Variants in CHRM2 observed in about 807,000 individuals in gnomAD.
The protein encoded by CHRM2 is cholinergic receptor muscarinic 2, also known as muscarinic acetylcholine receptor M2.
In CHRM2, 8 loss-of-function variants were observed where a neutral mutation model predicts 25.0. That is an observed-to-expected ratio of 0.32 (90% CI 0.19 to 0.58). The LOEUF is 0.58. Ranked by LOEUF, CHRM2 falls within the 20% of genes least tolerant of loss-of-function variation. The pLI is 0.88. For synonymous variants in CHRM2, 202 were observed against 205.7 expected, an observed-to-expected ratio of 0.98 and a Z score of 0.15; for missense variants, 440 against 567.1, an observed-to-expected ratio of 0.78 and a Z score of 2.28.
chr7:137,009,335 A>G (rs534767421), intron 3 of CHRM2, among the ~76,000 whole-genome samples: 6 of 152,130 alleles, frequency 3.9e-5, no homozygotes, highest in Admixed American at 6.6e-5. Flanking sequence ...TGATGTGAAT[A>G]CTTACATGGG....
At chr7:136,943,597 G>A (rs1418889722) in intron 2 of CHRM2, among the ~76,000 whole-genome samples, 2 of 152,098 alleles carry the variant, frequency 1.3e-5, no homozygotes, top group African/African-American at 4.8e-5. Context: ...TCAAAAGTCT[G>A]TTTCAGAATC....
intron 2 of CHRM2, among the ~76,000 whole-genome samples, chr7:136,885,565 A>G (rs17494846): frequency 0.21 from 31,544 of 152,202 alleles, 4,072 homozygotes; most frequent in Non-Finnish European, 0.3. Context: ...ATATTAATGC[A>G]CTAGAAATGG....
chr7:136,993,483 C>A (rs1044674380), intron 3 of CHRM2, among the ~76,000 whole-genome samples: 1 of 152,066 alleles, frequency 6.6e-6, no homozygotes, highest in Non-Finnish European at 1.5e-5. Context: ...TCCCTGAGGT[C>A]AGGGGAGAGA....
intron 2 of CHRM2, among the ~76,000 whole-genome samples, chr7:136,943,849 A>G (rs1024879513): frequency 2.0e-5 from 3 of 152,144 alleles, no homozygotes; most frequent in Non-Finnish European, 4.4e-5. Flanking sequence ...CATATTTATA[A>G]ATACAAGCAA....
rs1479559292 is a variant in CHRM2, at chr7:136,978,557, C to T, written c.-124-13630C>T. On this transcript the variant is annotated intron_variant, in intron 2 of 3. Coordinates refer to ENST00000680005, the MANE Select transcript of CHRM2 (RefSeq NM_001006630.2). ...ATGGTGGTTTGCTGCACCCATCAAC[C>T]CATGTTCTACATGAAGTATTTCTCC... Among the ~76,000 whole-genome samples the T allele has an allele frequency of 3.3e-5, 5 of 152,054 alleles. No individual in the cohort carries two copies. The South Asian group carries it at 8.3e-4, about 25-fold the overall frequency.
At chr7:136,905,668 A>AATTT (rs1275108567) in intron 2 of CHRM2, among the ~76,000 whole-genome samples, 1 of 151,412 alleles carries the variant, frequency 6.6e-6, no homozygotes, top group African/African-American at 2.4e-5. Context: ...TTATAATTAG[A>AATTT]ATTTATTTAT....
chr7:137,011,791 A>C (rs13229588), intron 3 of CHRM2, among the ~76,000 whole-genome samples: 3 of 152,114 alleles, frequency 2.0e-5, no homozygotes, highest in African/African-American at 7.2e-5. Context: ...AGCAGTAACA[A>C]GGTGATGGTT....
chr7:137,002,086 G>A (rs1481457859), intron 3 of CHRM2, among the ~76,000 whole-genome samples: 2 of 152,008 alleles, frequency 1.3e-5, no homozygotes, highest in African/African-American at 2.4e-5. Context: ...GAGAAAAGCC[G>A]GTCAAGAAGA....
intron 2 of CHRM2, among the ~76,000 whole-genome samples, chr7:136,938,915 CAAAAAAAAAAAAAAAAAA>C (rs56868385): frequency 1.6e-4 from 11 of 66,942 alleles, no homozygotes; most frequent in African/African-American, 3.7e-4. Context: ...CTAGCTCTGC[CAAAAAAAAAAAAAAAAAA>C]AAAAAAAAAA....
At chr7:136,937,481 C>T (rs976864161) in intron 2 of CHRM2, among the ~76,000 whole-genome samples, 8 of 120,200 alleles carry the variant, frequency 6.7e-5, no homozygotes, top group African/African-American at 1.9e-4. Context: ...AACACTTGAT[C>T]GCCCTTTTTT....
chr7:136,969,302 T>G (rs1367585487), intron 2 of CHRM2, among the ~76,000 whole-genome samples: 6 of 152,206 alleles, frequency 3.9e-5, no homozygotes, highest in Admixed American at 3.9e-4. Flanking sequence ...GTTTTCTGTT[T>G]CTTTGGGTTC....
chr7:136,887,761 T>C (rs1796523474), intron 2 of CHRM2, among the ~76,000 whole-genome samples: 1 of 152,186 alleles, frequency 6.6e-6, no homozygotes. Context: ...TGCTGCTGGA[T>C]CTCTGTGAAG....
intron 2 of CHRM2, among the ~76,000 whole-genome samples, chr7:136,879,066 T>C (rs11771119): frequency 0.14 from 21,428 of 151,866 alleles, 1,727 homozygotes; most frequent in Non-Finnish European, 0.18. Flanking sequence ...GCAACTAACC[T>C]CCTGGCTTAG....
intron 2 of CHRM2, among the ~76,000 whole-genome samples, chr7:136,892,297 A>T (rs1796722106): frequency 6.6e-6 from 1 of 152,248 alleles, no homozygotes; most frequent in Admixed American, 6.5e-5. Context: ...TTAAGAAGAC[A>T]GAAAGAACAA....
At chr7:136,886,334 G>A (rs1488486951) in intron 2 of CHRM2, among the ~76,000 whole-genome samples, 1 of 152,082 alleles carries the variant, frequency 6.6e-6, no homozygotes, top group Non-Finnish European at 1.5e-5. Context: ...CTGGGCTTTG[G>A]GTAAACAGTA....
chr7:136,936,567 G>A (rs1023588289), intron 2 of CHRM2, among the ~76,000 whole-genome samples: 4 of 152,004 alleles, frequency 2.6e-5, no homozygotes, highest in African/African-American at 9.7e-5. Flanking sequence ...AATTGTTTAA[G>A]ATCCAACTCC....
chr7:136,922,734 C>G (rs912286594), intron 2 of CHRM2, among the ~76,000 whole-genome samples: 2 of 152,116 alleles, frequency 1.3e-5, no homozygotes, highest in Non-Finnish European at 2.9e-5. Context: ...GGACTCTTTC[C>G]TGAGCAACTA....
chr7:136,974,553 A>C (rs1801992255), intron 2 of CHRM2, among the ~76,000 whole-genome samples: 1 of 152,180 alleles, frequency 6.6e-6, no homozygotes, highest in Non-Finnish European at 1.5e-5. Context: ...AACAGAATAC[A>C]CAAAAACACA....
intron 2 of CHRM2, among the ~76,000 whole-genome samples, chr7:136,929,896 A>G (rs1251057604): frequency 1.3e-5 from 2 of 152,108 alleles, no homozygotes; most frequent in Non-Finnish European, 2.9e-5. Context: ...TTCAATCAGT[A>G]AAAATAGGAA....
Sources: allele counts gnomAD v4.1 joint callset (sites outside exome capture counted in the v4.1 genomes callset), GRCh38; gene constraint gnomAD v4.1.1; transcripts MANE v1.5; gene names NCBI Gene and HGNC (gene_info 2026-07-23, HGNC 2026-07-21).